The following LRRC4C variants were observed in gnomAD, a reference collection of about 807,000 sequenced individuals.
LRRC4C encodes leucine rich repeat containing 4C, also known as leucine-rich repeat-containing protein 4C.
A neutral mutation model predicts 33.6 loss-of-function variants in LRRC4C; 5 were observed. That is an observed-to-expected ratio of 0.15 (90% confidence interval 0.08 to 0.31). The LOEUF (loss-of-function observed/expected upper bound fraction) is 0.31, where lower values mean the gene tolerates loss of function less well. Ranked by LOEUF, LRRC4C falls within the 10% of genes least tolerant of loss-of-function variation. The pLI, the probability that LRRC4C is intolerant of heterozygous loss-of-function variation, is 1.00. For missense variants in LRRC4C, 560 were observed against 796.7 expected, an observed-to-expected ratio of 0.70 and a Z score of 3.58; for synonymous variants, 329 against 302.0, an observed-to-expected ratio of 1.09 and a Z score of -0.93.
At chr11:41,361,461 C>G (rs576481805) in intron 1 of LRRC4C, among the ~76,000 whole-genome samples, 62 of 152,262 alleles carry the variant, frequency 4.1e-4, no homozygotes, top group African/African-American at 1.4e-3. Context: ...ACAATTTGCC[C>G]ATGCACATTA....
At chr11:41,198,193 T>C (rs530342829) in intron 1 of LRRC4C, among the ~76,000 whole-genome samples, 1 of 152,126 alleles carries the variant, frequency 6.6e-6, no homozygotes, top group East Asian at 1.9e-4. Context: ...ATACTATTAT[T>C]CCATTGTATG....
At chr11:40,988,807 C>T (rs185513578) in intron 1 of LRRC4C, among the ~76,000 whole-genome samples, 1 of 148,300 alleles carries the variant, frequency 6.7e-6, no homozygotes, top group Non-Finnish European at 1.5e-5. Context: ...AGCTCCACCT[C>T]CCGGGTTCAT....
chr11:40,159,486 A>G (rs1858982699), intron 5 of LRRC4C, among the ~76,000 whole-genome samples: 1 of 152,166 alleles, frequency 6.6e-6, no homozygotes, highest in Non-Finnish European at 1.5e-5. Context: ...GAGGAAACTG[A>G]TTATACCAGA....
At chr11:40,125,883 G>C (rs1280711324) in intron 6 of LRRC4C, among the ~76,000 whole-genome samples, 1 of 152,144 alleles carries the variant, frequency 6.6e-6, no homozygotes, top group Non-Finnish European at 1.5e-5. Flanking sequence ...TCCTAATATA[G>C]ATCATTTATT....
chr11:40,463,035 T>C (rs1671395710), intron 3 of LRRC4C, among the ~76,000 whole-genome samples: 1 of 152,120 alleles, frequency 6.6e-6, no homozygotes, highest in South Asian at 2.1e-4. Flanking sequence ...ATTCATTCTC[T>C]GCTGGCTTCA....
At chr11:40,171,613 A>G (rs1182643675) in intron 5 of LRRC4C, among the ~76,000 whole-genome samples, 1 of 152,184 alleles carries the variant, frequency 6.6e-6, no homozygotes, top group Non-Finnish European at 1.5e-5. Context: ...ATCTCCTAGA[A>G]ATAAAGAGAG....
intron 1 of LRRC4C, among the ~76,000 whole-genome samples, chr11:41,043,707 C>CATT (rs1857587269): frequency 6.6e-6 from 1 of 151,960 alleles, no homozygotes; most frequent in South Asian, 2.1e-4. Context: ...ATTGTGTCCA[C>CATT]AGCTGTCTGA....
At chr11:41,228,005 C>G (rs1947618114) in intron 1 of LRRC4C, among the ~76,000 whole-genome samples, 1 of 152,104 alleles carries the variant, frequency 6.6e-6, no homozygotes, top group African/African-American at 2.4e-5. Context: ...TGTATTCACA[C>G]TGAACTTCTT....
At chr11:40,503,495 A>C (rs1167125360) in intron 3 of LRRC4C, among the ~76,000 whole-genome samples, 1 of 152,200 alleles carries the variant, frequency 6.6e-6, no homozygotes, top group Non-Finnish European at 1.5e-5. Context: ...TGAAACCCTG[A>C]AGTAATTTCA....
intron 3 of LRRC4C, among the ~76,000 whole-genome samples, chr11:40,378,940 C>T (rs1316340751): frequency 1.3e-5 from 2 of 152,096 alleles, no homozygotes; most frequent in Non-Finnish European, 2.9e-5. Flanking sequence ...GCTTTACTGA[C>T]AGATATTTGG....
At position 40,143,992 on chromosome 11, in the gene LRRC4C, T is replaced by G. The variant is rs529044801; in HGVS notation, c.-95-3139A>C. On this transcript the variant is annotated intron_variant, in intron 5 of 6. Transcript: ENST00000528697. ...AAGGAGAGAATAAACATGGGGGTGG[T>G]AACGATAGCTAGATCAGAGCTGTAA... Among the ~76,000 whole-genome samples the G allele has an allele frequency of 2.6e-5, 4 of 152,246 alleles. 1 individual carries two copies. The East Asian group carries it at 7.8e-4, about 30-fold the overall frequency.
intron 1 of LRRC4C, among the ~76,000 whole-genome samples, chr11:41,326,131 G>A (rs1318712935): frequency 1.3e-5 from 2 of 151,544 alleles, no homozygotes; most frequent in African/African-American, 4.9e-5. Flanking sequence ...CTTGGTGGGC[G>A]CCATCTAATC....
At chr11:40,347,449 C>A (rs1019765958) in intron 3 of LRRC4C, among the ~76,000 whole-genome samples, 2 of 152,110 alleles carry the variant, frequency 1.3e-5, no homozygotes, top group South Asian at 2.1e-4. Context: ...TTCATGTGTT[C>A]GCTGAAGTCT....
At chr11:40,543,564 G>A (rs1226236682) in intron 3 of LRRC4C, among the ~76,000 whole-genome samples, 1 of 152,152 alleles carries the variant, frequency 6.6e-6, no homozygotes, top group African/African-American at 2.4e-5. Flanking sequence ...AAAGGGGGTC[G>A]TAGAGCATTT....
chr11:41,018,725 A>G (rs1231809255), intron 1 of LRRC4C, among the ~76,000 whole-genome samples: 1 of 152,134 alleles, frequency 6.6e-6, no homozygotes. Flanking sequence ...GCAAACTGCC[A>G]CAGTGGGAAT....
intron 2 of LRRC4C, among the ~76,000 whole-genome samples, chr11:40,765,261 A>T (rs1157038903): frequency 6.6e-6 from 1 of 152,110 alleles, no homozygotes; most frequent in African/African-American, 2.4e-5. Flanking sequence ...GTGAGTTATC[A>T]CAAGTTGTGA....
At chr11:40,482,806 T>A (rs1565433667) in intron 3 of LRRC4C, among the ~76,000 whole-genome samples, 1 of 152,094 alleles carries the variant, frequency 6.6e-6, no homozygotes, top group Non-Finnish European at 1.5e-5. Flanking sequence ...ACAAAGAACC[T>A]AAATAAAATG....
At chr11:41,383,423 A>G (rs1302065174) in intron 1 of LRRC4C, among the ~76,000 whole-genome samples, 5 of 152,082 alleles carry the variant, frequency 3.3e-5, no homozygotes, top group Non-Finnish European at 7.4e-5. Context: ...CTTGGCCACA[A>G]TTTTGTGCCA....
At chr11:41,198,671 G>A (rs192782201) in intron 1 of LRRC4C, among the ~76,000 whole-genome samples, 26 of 151,604 alleles carry the variant, frequency 1.7e-4, no homozygotes, top group African/African-American at 6.3e-4. Flanking sequence ...CTCAATTTTG[G>A]TCTGTGGGAA....
Sources: gnomAD v4.1 joint callset for allele counts (sites outside exome capture counted in the v4.1 genomes callset) on GRCh38, gnomAD v4.1.1 for gene constraint, MANE v1.5 for transcripts, NCBI Gene and HGNC (gene_info 2026-07-23, HGNC 2026-07-21) for gene names.